CDKAL1: variants seen among roughly 807,000 people sequenced by gnomAD.
CDKAL1 encodes the protein CDKAL1 threonylcarbamoyladenosine tRNA methylthiotransferase.
In CDKAL1, 32 loss-of-function variants were observed where a neutral mutation model predicts 68.2. That is an observed-to-expected ratio of 0.47 (90% CI 0.35 to 0.63). The LOEUF (loss-of-function observed/expected upper bound fraction) is 0.63, where lower values mean the gene tolerates loss of function less well. Ranked by LOEUF, CDKAL1 falls within the 30% of genes least tolerant of loss-of-function variation. The pLI is 0.00. For synonymous variants in CDKAL1, 234 were observed against 244.3 expected, an observed-to-expected ratio of 0.96 and a Z score of 0.39; for missense variants, 606 against 696.7, an observed-to-expected ratio of 0.87 and a Z score of 1.47.
chr6:20,997,154 C>T (rs59858693), intron 10 of CDKAL1, among the ~76,000 whole-genome samples: 2,332 of 152,246 alleles, frequency 0.015, 57 homozygotes, highest in African/African-American at 0.052. Context: ...CTTGTAGCAG[C>T]CTTGTAGCAT....
At chr6:20,921,897 A>G (rs1339179814) in intron 9 of CDKAL1, among the ~76,000 whole-genome samples, 1 of 152,200 alleles carries the variant, frequency 6.6e-6, no homozygotes, top group Non-Finnish European at 1.5e-5. Context: ...TCTTTTAGGA[A>G]GGAAGAATAA....
chr6:21,086,919 C>A (rs1472044306), intron 12 of CDKAL1, among the ~76,000 whole-genome samples: 1 of 152,184 alleles, frequency 6.6e-6, no homozygotes, highest in Admixed American at 6.5e-5. Flanking sequence ...ATCTAAATGT[C>A]ATTGTCCTAA....
At chr6:21,139,307 T>C (rs1292189037) in intron 13 of CDKAL1, among the ~76,000 whole-genome samples, 2 of 152,206 alleles carry the variant, frequency 1.3e-5, no homozygotes, top group Admixed American at 6.5e-5. Flanking sequence ...CCCATTTCAC[T>C]TGTGACCAAG....
chr6:21,152,564 C>G (rs1266001129), intron 13 of CDKAL1, among the ~76,000 whole-genome samples: 1 of 152,220 alleles, frequency 6.6e-6, no homozygotes, highest in Admixed American at 6.5e-5. Context: ...ACAATGAGTG[C>G]TAATGACAGC....
intron 10 of CDKAL1, among the ~76,000 whole-genome samples, chr6:20,989,330 G>A (rs1292915643): frequency 6.6e-6 from 1 of 152,162 alleles, no homozygotes; most frequent in Admixed American, 6.5e-5. Context: ...TTGATGTTTA[G>A]TAAGTATTTG....
At chr6:20,898,491 CT>C (rs2150592451) in intron 9 of CDKAL1, among the ~76,000 whole-genome samples, 1 of 150,252 alleles carries the variant, frequency 6.7e-6, no homozygotes, top group African/African-American at 2.5e-5. Context: ...TAGGCTTTCC[CT>C]GGGTTCTTGT....
At chr6:20,593,885 C>G (rs1328146148) in intron 4 of CDKAL1, among the ~76,000 whole-genome samples, 2 of 152,142 alleles carry the variant, frequency 1.3e-5, no homozygotes, top group Non-Finnish European at 2.9e-5. Context: ...TGTCTTTGTT[C>G]TCATTGGTTT....
chr6:21,019,355 A>AT (rs1012325443), intron 11 of CDKAL1, among the ~76,000 whole-genome samples: 1 of 151,998 alleles, frequency 6.6e-6, no homozygotes, highest in Non-Finnish European at 1.5e-5. Flanking sequence ...TTGCTGTCTT[A>AT]TTTTTTAAGA....
At chr6:21,213,537 G>T (rs372611748) in intron 15 of CDKAL1, among the ~76,000 whole-genome samples, 9 of 152,296 alleles carry the variant, frequency 5.9e-5, no homozygotes, top group South Asian at 2.1e-4. Context: ...GAGTTTTTCA[G>T]TTCCCCCTTT....
intron 15 of CDKAL1, among the ~76,000 whole-genome samples, chr6:21,216,154 A>C (rs1779334474): frequency 6.6e-6 from 1 of 152,202 alleles, no homozygotes; most frequent in Admixed American, 6.5e-5. Flanking sequence ...ATTGAGACCC[A>C]TCTGACTTCT....
intron 9 of CDKAL1, among the ~76,000 whole-genome samples, chr6:20,950,778 C>G (rs557538651): frequency 2.6e-5 from 4 of 152,034 alleles, no homozygotes; most frequent in African/African-American, 9.6e-5. Flanking sequence ...CTAGCCTGGC[C>G]ACGTGGCGAA....
intron 4 of CDKAL1, among the ~76,000 whole-genome samples, chr6:20,602,120 C>G (rs181256999): frequency 6.6e-6 from 1 of 152,084 alleles, no homozygotes; most frequent in Admixed American, 6.5e-5. Flanking sequence ...AGGTAGATAG[C>G]AGTATTATAA....
intron 12 of CDKAL1, among the ~76,000 whole-genome samples, chr6:21,074,594 A>C (rs1771963733): frequency 6.6e-6 from 1 of 152,142 alleles, no homozygotes; most frequent in Non-Finnish European, 1.5e-5. Flanking sequence ...AGAAGCAAAA[A>C]TGGTGAAACT....
At chr6:21,150,060 T>G (rs1044095962) in intron 13 of CDKAL1, among the ~76,000 whole-genome samples, 10 of 151,876 alleles carry the variant, frequency 6.6e-5, no homozygotes, top group South Asian at 4.2e-4. Context: ...GGTTTCACCA[T>G]TGTTAGCCAG....
chr6:20,881,414 C>A (rs1760813181), intron 9 of CDKAL1, among the ~76,000 whole-genome samples: 1 of 152,178 alleles, frequency 6.6e-6, no homozygotes, highest in Admixed American at 6.5e-5. Flanking sequence ...GATAAACTTT[C>A]ATTTTTCATT....
intron 8 of CDKAL1, among the ~76,000 whole-genome samples, chr6:20,795,774 A>G (rs868585413): frequency 2.0e-5 from 3 of 152,118 alleles, no homozygotes; most frequent in Non-Finnish European, 4.4e-5. Context: ...TCATGTTGCT[A>G]TTTTTTCTCT....
intron 12 of CDKAL1, among the ~76,000 whole-genome samples, chr6:21,068,046 G>GA (rs1462331829): frequency 5.3e-5 from 1 of 19,022 alleles, no homozygotes; most frequent in Middle Eastern, 0.036. Context: ...CTACCTGTTG[G>GA]TTTACCAGTT....
At chr6:20,896,518 A>G (rs1190401199) in intron 9 of CDKAL1, among the ~76,000 whole-genome samples, 2 of 152,238 alleles carry the variant, frequency 1.3e-5, no homozygotes, top group African/African-American at 2.4e-5. Context: ...TTGATATAAA[A>G]TGCATATTTC....
At chr6:20,831,903 A>G (rs1777735213) in intron 8 of CDKAL1, among the ~76,000 whole-genome samples, 1 of 152,176 alleles carries the variant, frequency 6.6e-6, no homozygotes, top group South Asian at 2.1e-4. Flanking sequence ...ATGTAGTTGT[A>G]AAAGGATCAG....
Sources: gnomAD v4.1 joint callset for allele counts (sites outside exome capture counted in the v4.1 genomes callset) on GRCh38, gnomAD v4.1.1 for gene constraint, MANE v1.5 for transcripts, NCBI Gene and HGNC (gene_info 2026-07-23, HGNC 2026-07-21) for gene names.